The following CHCHD3 variants were observed in gnomAD, a reference collection of about 807,000 sequenced individuals.
CHCHD3 encodes the protein MICOS complex subunit MIC19.
A neutral mutation model predicts 38.2 loss-of-function variants in CHCHD3; 20 were observed. That is an observed-to-expected ratio of 0.52 (90% CI 0.37 to 0.76). The LOEUF (loss-of-function observed/expected upper bound fraction) is 0.76. CHCHD3 is among the 30% of genes least tolerant of loss of function. CHCHD3 has a pLI of 0.00. For synonymous variants in CHCHD3, 82 were observed against 100.0 expected, an observed-to-expected ratio of 0.82 and a Z score of 1.07; for missense variants, 245 against 279.2, an observed-to-expected ratio of 0.88 and a Z score of 0.87.
intron 3 of CHCHD3, among the ~76,000 whole-genome samples, chr7:132,976,328 C>T (rs533191554): frequency 3.3e-5 from 5 of 152,270 alleles, no homozygotes; most frequent in African/African-American, 7.2e-5. Flanking sequence ...TAGATCTGTA[C>T]ACAATACTAA....
At chr7:132,814,704 G>A (rs1343428896) in intron 6 of CHCHD3, among the ~76,000 whole-genome samples, 1 of 152,194 alleles carries the variant, frequency 6.6e-6, no homozygotes, top group Non-Finnish European at 1.5e-5. Context: ...CCATTCAGAA[G>A]TTAATTACAC....
At chr7:132,847,968 C>T (rs1808122520) in intron 5 of CHCHD3, among the ~76,000 whole-genome samples, 1 of 152,134 alleles carries the variant, frequency 6.6e-6, no homozygotes, top group South Asian at 2.1e-4. Context: ...GACACTATTT[C>T]CCAGAAAAGA....
At chr7:132,998,517 A>T (rs1303411211) in intron 3 of CHCHD3, among the ~76,000 whole-genome samples, 2 of 152,192 alleles carry the variant, frequency 1.3e-5, no homozygotes, top group African/African-American at 4.8e-5. Context: ...CCACTTATCA[A>T]ATGTCATTCA....
At chr7:132,967,666 T>TTAAA (rs1811503501) in intron 4 of CHCHD3, among the ~76,000 whole-genome samples, 1 of 134,970 alleles carries the variant, frequency 7.4e-6, no homozygotes, top group African/African-American at 2.8e-5. Context: ...AATAAATAAA[T>TTAAA]AAAATAAAAC....
At chr7:132,801,826 T>G (rs1481919734) in intron 6 of CHCHD3, among the ~76,000 whole-genome samples, 1 of 152,256 alleles carries the variant, frequency 6.6e-6, no homozygotes, top group East Asian at 1.9e-4. Flanking sequence ...AGACTTAACA[T>G]TTTAATTTTA....
chr7:132,862,809 C>G (rs1585582504), intron 5 of CHCHD3, among the ~76,000 whole-genome samples: 2 of 152,340 alleles, frequency 1.3e-5, no homozygotes, highest in Middle Eastern at 3.4e-3. Flanking sequence ...TCTTTACCAA[C>G]AGTAGACTCT....
intron 4 of CHCHD3, among the ~76,000 whole-genome samples, chr7:132,947,808 T>C (rs1810934547): frequency 6.6e-6 from 1 of 151,902 alleles, no homozygotes; most frequent in South Asian, 2.1e-4. Flanking sequence ...TAAAAAAAAA[T>C]CTATCAGGTA....
intron 4 of CHCHD3, among the ~76,000 whole-genome samples, chr7:132,950,457 T>C (rs1013179566): frequency 6.6e-6 from 1 of 152,188 alleles, no homozygotes; most frequent in African/African-American, 2.4e-5. Flanking sequence ...TATTTACCAG[T>C]ACTAGTAAAA....
At chr7:133,045,353 T>G (rs1019934271) in intron 2 of CHCHD3, among the ~76,000 whole-genome samples, 2 of 152,168 alleles carry the variant, frequency 1.3e-5, no homozygotes, top group African/African-American at 4.8e-5. Context: ...GCCATTTCAG[T>G]GCACTCTAAC....
chr7:132,899,709 C>T (rs1809616704), intron 4 of CHCHD3, among the ~76,000 whole-genome samples: 1 of 152,162 alleles, frequency 6.6e-6, no homozygotes, highest in Non-Finnish European at 1.5e-5. Context: ...AGGCATCAGA[C>T]AATTAAAGCT....
chr7:133,059,405 G>A (rs544612799), intron 2 of CHCHD3, among the ~76,000 whole-genome samples: 56 of 152,106 alleles, frequency 3.7e-4, no homozygotes, highest in Non-Finnish European at 7.5e-4. Context: ...GATTAACTTC[G>A]ACCCAATGGA....
intron 4 of CHCHD3, among the ~76,000 whole-genome samples, chr7:132,934,147 G>A (rs1810580652): frequency 6.6e-6 from 1 of 152,188 alleles, no homozygotes; most frequent in East Asian, 1.9e-4. Context: ...CTTCTGATTT[G>A]CCTAAGGATT....
At chr7:132,995,562 A>G (rs1001174626) in intron 3 of CHCHD3, among the ~76,000 whole-genome samples, 1 of 152,234 alleles carries the variant, frequency 6.6e-6, no homozygotes, top group African/African-American at 2.4e-5. Context: ...AAAACAATAA[A>G]CAAATGAAGT....
At chr7:133,004,027 G>A (rs971169652) in intron 3 of CHCHD3, among the ~76,000 whole-genome samples, 1 of 151,416 alleles carries the variant, frequency 6.6e-6, no homozygotes. Flanking sequence ...GCGCAATCTC[G>A]GTTCACTGCA....
chr7:132,834,984 A>ATTTC (rs1317909494), intron 6 of CHCHD3, among the ~76,000 whole-genome samples: 10 of 138,014 alleles, frequency 7.2e-5, no homozygotes, highest in African/African-American at 2.3e-4. Flanking sequence ...TTATTTATTT[A>ATTTC]TTTAGAGACA....
intron 6 of CHCHD3, among the ~76,000 whole-genome samples, chr7:132,830,123 T>C (rs747216738): frequency 1.3e-5 from 2 of 152,214 alleles, no homozygotes; most frequent in African/African-American, 2.4e-5. Context: ...CAGATCTGAT[T>C]TGAAGGGCTC....
At chr7:132,862,442 A>T (rs1808520243) in intron 5 of CHCHD3, among the ~76,000 whole-genome samples, 1 of 152,234 alleles carries the variant, frequency 6.6e-6, no homozygotes, top group Admixed American at 6.5e-5. Context: ...TTATGTCAAA[A>T]AAAGTACATA....
intron 7 of CHCHD3, among the ~76,000 whole-genome samples, chr7:132,793,869 C>T (rs968994344): frequency 6.6e-6 from 1 of 152,150 alleles, no homozygotes; most frequent in Non-Finnish European, 1.5e-5. Context: ...AGAAGTTGGC[C>T]CATGAGGAAC....
intron 5 of CHCHD3, among the ~76,000 whole-genome samples, chr7:132,859,437 A>G (rs1269322296): frequency 6.6e-6 from 1 of 152,244 alleles, no homozygotes; most frequent in Non-Finnish European, 1.5e-5. Context: ...AAAATTGGCT[A>G]ACAAGTCAAT....
Sources: gnomAD v4.1 joint callset for allele counts (sites outside exome capture counted in the v4.1 genomes callset) on GRCh38, gnomAD v4.1.1 for gene constraint, MANE v1.5 for transcripts, NCBI Gene and HGNC (gene_info 2026-07-23, HGNC 2026-07-21) for gene names.